Variants in KLF12 observed in about 807,000 individuals in gnomAD.
The protein encoded by KLF12 is KLF transcription factor 12.
KLF12 carries 9 observed loss-of-function variants against 37.8 expected under a neutral mutation model. That is an observed-to-expected ratio of 0.24 (90% CI 0.14 to 0.42). KLF12 has a LOEUF of 0.42. KLF12 is among the 10% of genes least tolerant of loss of function. The pLI, the probability that KLF12 is intolerant of heterozygous loss-of-function variation, is 1.00. For synonymous variants in KLF12, 208 were observed against 202.1 expected (o/e 1.03, Z -0.25); for missense variants, 411 against 516.0 (o/e 0.80, Z 1.97).
chr13:74,193,726 T>C, the KLF12 span, among the ~76,000 whole-genome samples: 12 of 152,292 alleles, frequency 7.9e-5, no homozygotes, highest in South Asian at 2.5e-3. Context: ...AGTCAAAAAA[T>C]ATGGAAGAAA....
At chr13:74,096,680 T>C (rs1876005349) in intron 1 of KLF12, among the ~76,000 whole-genome samples, 1 of 152,206 alleles carries the variant, frequency 6.6e-6, no homozygotes, top group Non-Finnish European at 1.5e-5. Context: ...ATTTTCCTTT[T>C]ATCCTTGGTT....
chr13:73,843,107 T>C (rs753476772), intron 4 of KLF12, among the ~76,000 whole-genome samples: 3 of 152,190 alleles, frequency 2.0e-5, no homozygotes, highest in Non-Finnish European at 2.9e-5. Context: ...TGTAAAAACT[T>C]TGAGAAGCAG....
At chr13:74,120,598 C>G (rs1433846867) in intron 1 of KLF12, among the ~76,000 whole-genome samples, 1 of 151,704 alleles carries the variant, frequency 6.6e-6, no homozygotes, top group Non-Finnish European at 1.5e-5. Flanking sequence ...CTGGAACTAG[C>G]AAAAATATGA....
At chr13:74,203,680 G>C in the KLF12 span, among the ~76,000 whole-genome samples, 1 of 152,026 alleles carries the variant, frequency 6.6e-6, no homozygotes, top group Non-Finnish European at 1.5e-5. Flanking sequence ...TGGCAAAGAG[G>C]GTTTAAAATG....
At chr13:74,269,015 G>A in the KLF12 span, among the ~76,000 whole-genome samples, 4 of 152,166 alleles carry the variant, frequency 2.6e-5, no homozygotes, top group South Asian at 6.2e-4. Flanking sequence ...ACGAAAGTGG[G>A]GCTGGGGAAG....
At chr13:73,822,690 T>C (rs9565044) in intron 4 of KLF12, among the ~76,000 whole-genome samples, 33,538 of 152,140 alleles carry the variant, frequency 0.22, 3,917 homozygotes, top group East Asian at 0.48. Flanking sequence ...AAAAAGAAAA[T>C]GAATAGAGAT....
intron 1 of KLF12, among the ~76,000 whole-genome samples, chr13:73,998,704 T>C (rs1478855313): frequency 6.6e-6 from 1 of 152,278 alleles, no homozygotes; most frequent in Non-Finnish European, 1.5e-5. Context: ...GGTCCAAGTT[T>C]GCCTTGCTCT....
In KLF12 at chr13:74,125,188, C is replaced by G. The variant is rs188444976; in HGVS notation, c.-32+8551G>C. ...ATATACACACACACACACACACACA[C>G]AGTTTATATTTAAAAAACACACTGT... is the stretch of plus-strand genomic sequence containing the variant. On this transcript the variant is annotated intron_variant, in intron 1 of 7. Transcript: ENST00000377669. Among the ~76,000 whole-genome samples, 656 of 150,540 alleles carry G rather than the reference C, an allele frequency of 4.4e-3. 2 individuals carry two copies. Among genetic ancestry groups the G allele is most frequent in the African/African-American group, 0.015 (623 of 41,074 alleles).
At chr13:73,805,657 GAA>G (rs1384289745) in intron 5 of KLF12, among the ~76,000 whole-genome samples, 42 of 37,980 alleles carry the variant, frequency 1.1e-3, no homozygotes, top group African/African-American at 6.4e-3. Context: ...AGGGAGGAAG[GAA>G]GGAAGGAAGG....
At position 74,124,444 on chromosome 13, in the gene KLF12, C is replaced by T. The variant is rs536648671; in HGVS notation, c.-32+9295G>A. Among the ~76,000 whole-genome samples, 3 of 152,214 alleles carry T rather than the reference C, an allele frequency of 2.0e-5. No homozygotes were observed. In the South Asian group the frequency reaches 6.2e-4, roughly 32 times the overall value. On this transcript the variant is annotated intron_variant, in intron 1 of 7. Coordinates refer to ENST00000377669, the MANE Select transcript of KLF12 (RefSeq NM_007249.5). Reference sequence around the variant, plus strand: ...TTAATATTTAAATAATATTTTAATACAAACTAAATATTCCCATTATTTAAA... The same window carrying T: ...TTAATATTTAAATAATATTTTAATATAAACTAAATATTCCCATTATTTAAA...
intron 1 of KLF12, among the ~76,000 whole-genome samples, chr13:74,009,884 C>T (rs1892506423): frequency 1.3e-5 from 2 of 152,186 alleles, no homozygotes; most frequent in Admixed American, 6.5e-5. Flanking sequence ...TAGTCTGTGA[C>T]TGAAGGAGTT....
chr13:73,760,281 G>C (rs939673099), intron 6 of KLF12, among the ~76,000 whole-genome samples: 1 of 152,146 alleles, frequency 6.6e-6, no homozygotes, highest in African/African-American at 2.4e-5. Flanking sequence ...CAATTGGTTA[G>C]AGAAAACTAC....
At chr13:73,762,560 G>C (rs1056193014) in intron 6 of KLF12, among the ~76,000 whole-genome samples, 2 of 151,976 alleles carry the variant, frequency 1.3e-5, no homozygotes, top group Non-Finnish European at 2.9e-5. Context: ...TTAATTGATT[G>C]GGGTATTTGC....
chr13:73,958,552 T>G (rs1890921605), intron 2 of KLF12, among the ~76,000 whole-genome samples: 1 of 152,174 alleles, frequency 6.6e-6, no homozygotes, highest in African/African-American at 2.4e-5. Context: ...CAATTTTTTT[T>G]TTTAAACTTG....
chr13:74,036,664 C>T (rs1893254280), intron 1 of KLF12, among the ~76,000 whole-genome samples: 1 of 152,150 alleles, frequency 6.6e-6, no homozygotes, highest in Admixed American at 6.5e-5. Flanking sequence ...TTTGCATATC[C>T]CTGTGGTGGG....
chr13:73,970,296 T>C (rs1395884702), intron 2 of KLF12, among the ~76,000 whole-genome samples: 10 of 152,150 alleles, frequency 6.6e-5, no homozygotes, highest in Admixed American at 5.9e-4. Context: ...ATTAACCTAA[T>C]GACAAGACAC....
At chr13:73,970,383 T>C (rs1891296179) in intron 2 of KLF12, among the ~76,000 whole-genome samples, 1 of 151,612 alleles carries the variant, frequency 6.6e-6, no homozygotes, top group African/African-American at 2.4e-5. Context: ...TCACAATATG[T>C]CTTAGTGCAA....
At chr13:73,838,531 C>T (rs1239347271) in intron 4 of KLF12, among the ~76,000 whole-genome samples, 2 of 152,174 alleles carry the variant, frequency 1.3e-5, no homozygotes, top group African/African-American at 2.4e-5. Context: ...GTACTTCATA[C>T]TCAAGGATCT....
chr13:73,944,014 T>C lies in KLF12; in HGVS notation c.90A>G (p.Arg30=). The change falls in exon 3 of 8, where the codon AGA becomes AGG. Residue 30 remains arginine (R), a synonymous_variant. Coordinates refer to ENST00000377669, the MANE Select transcript of KLF12 (RefSeq NM_007249.5). ...CAGATTCCAAAAGCTCTGTTTTGAC[T>C]CTGACTGCCGGCATCCCATCAAGCA... 6.2e-7 allele frequency: 1 copy of C among 1,613,166 alleles called. No homozygotes were observed. Among genetic ancestry groups the C allele is most frequent in the Non-Finnish European group, 8.5e-7 (1 of 1,179,426 alleles).
Sources: gnomAD v4.1 joint callset for allele counts (sites outside exome capture counted in the v4.1 genomes callset) on GRCh38, gnomAD v4.1.1 for gene constraint, MANE v1.5 for transcripts, NCBI Gene and HGNC (gene_info 2026-07-23, HGNC 2026-07-21) for gene names.